The following PLA2G4D variants were observed in gnomAD, a reference collection of about 807,000 sequenced individuals.
PLA2G4D encodes the protein phospholipase A2 group IVD.
In PLA2G4D, 80 loss-of-function variants were observed where a neutral mutation model predicts 94.4. The observed-to-expected ratio is 0.85, with a 90% confidence interval of 0.71 to 1.02. PLA2G4D has a LOEUF of 1.02. Among genes scored for constraint, PLA2G4D ranks in the 50% least tolerant of loss-of-function variants. PLA2G4D has a pLI of 0.00. For synonymous variants in PLA2G4D, 438 were observed against 440.9 expected, an observed-to-expected ratio of 0.99 and a Z score of 0.08; for missense variants, 1,050 against 1,034.7, an observed-to-expected ratio of 1.01 and a Z score of -0.20.
At chr15:42,079,469 G>T (rs1440431317) in intron 13 of PLA2G4D, 68 bp downstream of exon 13, 10 of 1,468,706 alleles carry the variant, frequency 6.8e-6, no homozygotes, top group Non-Finnish European at 9.1e-6. Context: ...CATGTCAGCC[G>T]CTTGGGAGCC....
intron 1 of PLA2G4D, 150 bp from the exon 2 acceptor site, chr15:42,087,850 A>AC (rs1454200417): frequency 2.6e-6 from 2 of 756,250 alleles, no homozygotes; most frequent in African/African-American, 3.5e-5. Flanking sequence ...CCCTCTGGGG[A>AC]CCAAAGAGCC....
chr15:42,082,604 G>T (rs538554236), intron 8 of PLA2G4D, among the ~76,000 whole-genome samples: 1 of 152,336 alleles, frequency 6.6e-6, no homozygotes, highest in South Asian at 2.1e-4. Flanking sequence ...AATTTATAAA[G>T]ACATGGGTAA....
intron 12 of PLA2G4D, among the ~76,000 whole-genome samples, chr15:42,080,639 C>T (rs536608237): frequency 2.7e-4 from 41 of 152,298 alleles, no homozygotes; most frequent in African/African-American, 8.7e-4. Context: ...CCCAGTCCCA[C>T]GCGGTGTGTG....
intron 14 of PLA2G4D, 81 bp from the exon 15 acceptor site, chr15:42,071,992 C>G (rs1889833926): frequency 6.6e-6 from 10 of 1,525,042 alleles, no homozygotes; most frequent in Non-Finnish European, 8.9e-6. Context: ...GACACTGCCC[C>G]TGCCCCCAGC....
rs1220039660 is a variant in PLA2G4D, at chr15:42,087,523, G to A, written c.119-87C>T. On this transcript the variant is annotated intron_variant, in intron 2 of 19. Transcript: ENST00000290472. ...GCCAGTTTCCTACCAAGACCCTGGC[G>A]GTCACCGCAGGTGACCCAGCCCAGC... The A allele has an allele frequency of 3.8e-5, 61 of 1,604,064 alleles. 1 individual carries two copies. The highest frequency in any genetic ancestry group is 1.4e-4 in the Admixed American group (8 of 59,206).
intron 1 of PLA2G4D, among the ~76,000 whole-genome samples, chr15:42,089,772 A>G (rs1890218490): frequency 6.6e-6 from 1 of 152,184 alleles, no homozygotes; most frequent in South Asian, 2.1e-4. Context: ...TCCCCCGGCC[A>G]GGCTGATACT....
At position 42,081,613 on chromosome 15, in the gene PLA2G4D, G is replaced by A. The variant is rs1335732668; in HGVS notation, c.823C>T (p.Pro275Ser). ...VRLQLKAEGC[P>S]EELAVHLGFN... ...CCCAGGTGCACGGCCAGCTCCTCAG[G>A]GCTGTGGCAATGGAGGATCCAGGGG... The change falls in exon 11 of 20, where the codon CCT (proline) becomes TCT (serine). Residue 275 changes from proline to serine, a missense_variant and splice_region_variant. By Grantham distance (74) the Pro-to-Ser change is moderately conservative. Transcript: ENST00000290472. 3 of 1,613,938 alleles carry A rather than the reference G, an allele frequency of 1.9e-6. No individual in the cohort carries two copies. Among genetic ancestry groups the A allele is most frequent in the Non-Finnish European group, 2.5e-6 (3 of 1,179,870 alleles).
Position 42,086,296 on chromosome 15 carries a change from C to A in PLA2G4D, c.304G>T (p.Asp102Tyr). The change falls in exon 4 of 20, where the codon GAC (aspartate) becomes TAC (tyrosine). Residue 102 changes from aspartate (D) to tyrosine (Y), a missense_variant. Physicochemically the swap from Asp to Tyr is radical, Grantham distance 160. Transcript: ENST00000290472. ...IYDEDSVTEDDICFKVLYDIS... is the reference protein window; with the variant it reads ...IYDEDSVTEDYICFKVLYDIS... Reference sequence around the variant, plus strand: ...TCATAGAGAACCTTGAAGCAGATGTCATCCTCCGTGACTGAGTCCTCATCA... The same window carrying A: ...TCATAGAGAACCTTGAAGCAGATGTAATCCTCCGTGACTGAGTCCTCATCA... 6.3e-7 allele frequency: 1 copy of A among 1,585,050 alleles called. No individual in the cohort carries two copies. Among genetic ancestry groups the A allele is most frequent in the Non-Finnish European group, 8.6e-7 (1 of 1,165,726 alleles).
chr15:42,069,019 G>T (rs1455691339), intron 19 of PLA2G4D, 78 bp from the exon 20 acceptor site: 24 of 1,334,970 alleles, frequency 1.8e-5, no homozygotes, highest in African/African-American at 1.5e-5. Context: ...AGGGAGGGCT[G>T]CCCCCGCTGG....
At chr15:42,075,052 T>C (rs75558264) in intron 13 of PLA2G4D, among the ~76,000 whole-genome samples, 3,035 of 152,298 alleles carry the variant, frequency 0.02, 109 homozygotes, top group East Asian at 0.17. Flanking sequence ...GCCTCCTCAG[T>C]AGCTGGGACT....
At chr15:42,090,009 C>T (rs1230619023) in intron 1 of PLA2G4D, among the ~76,000 whole-genome samples, 2 of 152,200 alleles carry the variant, frequency 1.3e-5, no homozygotes, top group African/African-American at 4.8e-5. Flanking sequence ...TCATCGCTAA[C>T]ATGGAGTGCC....
chr15:42,086,155 C>G (rs1890140142), intron 4 of PLA2G4D, 58 bp downstream of exon 4: 1 of 1,507,804 alleles, frequency 6.6e-7, no homozygotes, highest in Admixed American at 2.0e-5. Flanking sequence ...TAGCTACTTC[C>G]TCAGCTTGGA....
intron 13 of PLA2G4D, among the ~76,000 whole-genome samples, chr15:42,074,451 T>C (rs149981164): frequency 5.3e-5 from 8 of 152,314 alleles, no homozygotes; most frequent in African/African-American, 1.9e-4. Context: ...TGAGGAATGA[T>C]AAGCAGCTTC....
chr15:42,079,263 A>G (rs140641051), intron 13 of PLA2G4D, among the ~76,000 whole-genome samples: 85 of 152,362 alleles, frequency 5.6e-4, no homozygotes, highest in African/African-American at 2.0e-3. Context: ...GGTTCTAGCA[A>G]TCTTACCCAT....
chr15:42,083,206 G>T lies in PLA2G4D; in HGVS notation c.664C>A (p.Arg222Ser). 6.2e-7 allele frequency: 1 copy of T among 1,613,432 alleles called. No individual in the cohort carries two copies. The change falls in exon 8 of 20, where the codon CGC becomes AGC. Residue 222 changes from arginine (R) to serine (S), a missense_variant. Transcript: ENST00000290472. ...MAALETELSG[R>S]LRSSRSNGWN... ...CTAGAGCCAAGACCCACCCTCAGGC[G>T]CCCGCTCAGCTCTGTCTCTAGGGCT...
intron 18 of PLA2G4D, chr15:42,070,298 A>C (rs17690827): frequency 0.091 from 50,656 of 555,420 alleles, 2,737 homozygotes; most frequent in Middle Eastern, 0.12. Flanking sequence ...GTTTGGTTAA[A>C]AGCTCTAGGT....
intron 4 of PLA2G4D, 113 bp from the exon 5 acceptor site, chr15:42,085,644 G>A (rs1015812533): frequency 1.1e-5 from 11 of 1,036,460 alleles, no homozygotes; most frequent in African/African-American, 4.7e-5. Context: ...AGGGAGGCAC[G>A]TTAGTACAAT....
chr15:42,071,530 GA>G lies in PLA2G4D; in HGVS notation c.1594del (p.Ser532ProfsTer2), dbSNP rs780955409. ...FLEAIWSNIF[S>X]LNLLDAWYDL... ...ATACCAGGCATCCAGCAGGTTCAGGGAGAAAATGTTGCTCCAGATGGCTGAG... is the reference window on the plus strand; with the variant it reads ...ATACCAGGCATCCAGCAGGTTCAGGGGAAAATGTTGCTCCAGATGGCTGAG... On this transcript the variant is annotated frameshift_variant, in exon 16 of 20. Coordinates refer to ENST00000290472, the MANE Select transcript of PLA2G4D (RefSeq NM_178034.4). LOFTEE classifies it high-confidence loss of function. 9.9e-6 allele frequency: 16 copies of G among 1,613,690 alleles called. No homozygotes were observed. Among genetic ancestry groups the G allele is most frequent in the Non-Finnish European group, 1.2e-5 (14 of 1,179,858 alleles).
chr15:42,070,194 C>T (rs1889776071), intron 18 of PLA2G4D, 99 bp from the exon 19 acceptor site: 2 of 1,202,240 alleles, frequency 1.7e-6, no homozygotes, highest in Non-Finnish European at 1.1e-6. Context: ...AAGACAACAG[C>T]CTGGCTCTGT....
Sources: allele counts gnomAD v4.1 joint callset (sites outside exome capture counted in the v4.1 genomes callset), GRCh38; gene constraint gnomAD v4.1.1; transcripts MANE v1.5; gene names NCBI Gene and HGNC (gene_info 2026-07-23, HGNC 2026-07-21).